The following TF variants were observed in gnomAD, a reference collection of about 807,000 sequenced individuals.
The protein encoded by TF is transferrin.
A neutral mutation model predicts 82.4 loss-of-function variants in TF; 55 were observed. The observed-to-expected ratio is 0.67, with a 90% CI of 0.54 to 0.84. The LOEUF is 0.84. TF is among the 40% of genes least tolerant of loss of function. The probability of loss-of-function intolerance (pLI) is 0.00; values close to 1 mark genes in which losing one functional copy is unlikely to be tolerated. For missense variants in TF, 737 were observed against 868.4 expected (o/e 0.85, Z 1.90); for synonymous variants, 332 against 332.6 (o/e 1.00, Z 0.02).
chr3:133,764,108 G>A, intron 9 of TF, 74 bp from the exon 10 acceptor site: 1 of 1,355,452 alleles, frequency 7.4e-7, no homozygotes, highest in Non-Finnish European at 1.1e-6. Flanking sequence ...GCTGCTTCAA[G>A]GAAACAGCTG....
the TF span, among the ~76,000 whole-genome samples, chr3:133,669,930 T>C: frequency 6.6e-6 from 1 of 152,252 alleles, no homozygotes; most frequent in East Asian, 1.9e-4. Flanking sequence ...TAGACCCTAT[T>C]TCCTTTCAAA....
Position 133,748,199 on chromosome 3 carries a change from G to A in TF, c.44-213G>A, listed in dbSNP as rs1559866848. 8.0e-6 allele frequency: 5 copies of A among 625,540 alleles called. No individual in the cohort carries two copies. The East Asian group carries it at 1.4e-4, about 18-fold the overall frequency. The allele number at this position is 625,540 out of a possible 1,614,324, so 38.7% of individuals were successfully genotyped here. ...GCCTGCACCCCTCTGGCCAGCAGAG[G>A]GTGGTCAGTAGGAAACTGGGAGGCC... On this transcript the variant is annotated intron_variant, in intron 1 of 16. Coordinates refer to ENST00000402696, the MANE Select transcript of TF (RefSeq NM_001063.4).
chr3:133,704,945 C>A, the TF span, among the ~76,000 whole-genome samples: 4 of 152,206 alleles, frequency 2.6e-5, no homozygotes, highest in Admixed American at 2.6e-4. Context: ...ATAGTGGTAT[C>A]TCCATTTTAT....
the TF span, among the ~76,000 whole-genome samples, chr3:133,675,795 T>C: frequency 2.6e-5 from 4 of 152,192 alleles, no homozygotes; most frequent in Non-Finnish European, 4.4e-5. Flanking sequence ...TGTGTTTTAG[T>C]TGGGTATGAC....
the TF span, among the ~76,000 whole-genome samples, chr3:133,722,476 A>C: frequency 6.6e-6 from 1 of 152,040 alleles, no homozygotes; most frequent in African/African-American, 2.4e-5. Context: ...GTAGTTTGGT[A>C]GATTCTTTGT....
At chr3:133,671,742 G>A in the TF span, among the ~76,000 whole-genome samples, 3 of 149,888 alleles carry the variant, frequency 2.0e-5, no homozygotes, top group South Asian at 2.1e-4. Flanking sequence ...ACAATGAGCC[G>A]CAATCTTGCC....
At chr3:133,736,487 C>A in the TF span, among the ~76,000 whole-genome samples, 1 of 151,776 alleles carries the variant, frequency 6.6e-6, no homozygotes, top group Non-Finnish European at 1.5e-5. Context: ...CTAAGTGCCC[C>A]CCAGTTAAAA....
At chr3:133,768,203 A>C in intron 13 of TF, 39 bp downstream of exon 13, 2 of 1,612,906 alleles carry the variant, frequency 1.2e-6, no homozygotes, top group Non-Finnish European at 1.7e-6. Flanking sequence ...AATAATATAC[A>C]AGCCCTGGCC....
At chr3:133,710,602 C>T in the TF span, among the ~76,000 whole-genome samples, 4 of 152,130 alleles carry the variant, frequency 2.6e-5, no homozygotes, top group Admixed American at 1.3e-4. Context: ...GCCAAAACTG[C>T]GGGCCTCCTG....
the TF span, among the ~76,000 whole-genome samples, chr3:133,685,244 A>G: frequency 1.3e-5 from 2 of 152,242 alleles, no homozygotes; most frequent in African/African-American, 4.8e-5. Flanking sequence ...CACAGCCAAT[A>G]TCATACTGAA....
chr3:133,737,001 A>G, the TF span, among the ~76,000 whole-genome samples: 4 of 152,188 alleles, frequency 2.6e-5, no homozygotes, highest in African/African-American at 4.8e-5. Context: ...TCCACCCCAA[A>G]TCAATAGAAT....
the TF span, among the ~76,000 whole-genome samples, chr3:133,734,844 G>C: frequency 6.6e-3 from 1,000 of 151,214 alleles, 8 homozygotes; most frequent in African/African-American, 0.023. Flanking sequence ...ATCACACCAT[G>C]AGAACACAGA....
chr3:133,787,106 T>G lies in TF; in HGVS notation c.*8486T>G, dbSNP rs1487011701. 3 of 152,262 alleles carry G rather than the reference T, an allele frequency of 2.0e-5. No homozygotes were observed. The highest frequency in any genetic ancestry group is 7.2e-5 in the African/African-American group (3 of 41,470). The allele number at this position is 152,262 out of a possible 1,614,324, so 9.4% of individuals were successfully genotyped here. On this transcript the variant is annotated 3_prime_UTR_variant, in exon 17 of 17. Coordinates refer to ENST00000402696, the MANE Select transcript of TF (RefSeq NM_001063.4). ...ACTTGCCATTTTTCTGTCTGTTTTG[T>G]GCATTTTGTTTTGCTGTGTATGTAG...
intron 10 of TF, 112 bp downstream of exon 10, chr3:133,764,387 C>A: frequency 1.1e-6 from 1 of 890,292 alleles, no homozygotes; most frequent in Non-Finnish European, 1.9e-6. Flanking sequence ...CTTTCCCTCT[C>A]TGAGCACCTC....
the TF span, among the ~76,000 whole-genome samples, chr3:133,737,712 G>A: frequency 6.6e-6 from 1 of 152,150 alleles, no homozygotes; most frequent in African/African-American, 2.4e-5. Context: ...AGAAAATTTA[G>A]AAGAAATGGA....
At chr3:133,673,500 C>A in the TF span, among the ~76,000 whole-genome samples, 2 of 152,202 alleles carry the variant, frequency 1.3e-5, no homozygotes, top group African/African-American at 4.8e-5. Context: ...GTGCTGCATA[C>A]ACAGTGTAGA....
rs1420518151 is a variant in TF, at chr3:133,781,446, T to A, written c.*2826T>A. ...TACAAATAATAGTGAGTTAGGACAATAATAATTAACAAGAATAAATAAAAT... is the reference window on the plus strand; with the variant it reads ...TACAAATAATAGTGAGTTAGGACAAAAATAATTAACAAGAATAAATAAAAT... On this transcript the variant is annotated 3_prime_UTR_variant, in exon 17 of 17. Coordinates refer to ENST00000402696, the MANE Select transcript of TF (RefSeq NM_001063.4). The A allele has an allele frequency of 1.3e-5, 2 of 151,986 alleles. No individual in the cohort carries two copies. Among genetic ancestry groups the A allele is most frequent in the Admixed American group, 6.5e-5 (1 of 15,270 alleles). The allele number at this position is 151,986 out of a possible 1,614,324, so 9.4% of individuals were successfully genotyped here.
intron 10 of TF, among the ~76,000 whole-genome samples, 191 bp downstream of exon 10, chr3:133,764,466 T>C (rs111882046): frequency 6.6e-6 from 1 of 152,224 alleles, no homozygotes; most frequent in African/African-American, 2.4e-5. Flanking sequence ...GGAGTTATAG[T>C]ACATTCCAGA....
chr3:133,698,318 A>G, the TF span, among the ~76,000 whole-genome samples: 1 of 152,218 alleles, frequency 6.6e-6, no homozygotes, highest in African/African-American at 2.4e-5. Flanking sequence ...TGGACAACTC[A>G]CAGTCAAGAC....
Sources: allele counts gnomAD v4.1 joint callset (sites outside exome capture counted in the v4.1 genomes callset), GRCh38; gene constraint gnomAD v4.1.1; transcripts MANE v1.5; gene names NCBI Gene and HGNC (gene_info 2026-07-23, HGNC 2026-07-21).